The following SUPT20H variants were observed in gnomAD, a reference collection of about 807,000 sequenced individuals.
SUPT20H encodes SPT20 homolog, SAGA complex component, also known as transcription factor SPT20 homolog.
SUPT20H carries 82 observed loss-of-function variants against 122.8 expected under a neutral mutation model. That is an observed-to-expected ratio of 0.67 (90% CI 0.56 to 0.80). The LOEUF (loss-of-function observed/expected upper bound fraction) is 0.80, where lower values mean the gene tolerates loss of function less well. SUPT20H is among the 30% of genes least tolerant of loss of function. SUPT20H has a pLI of 0.00. For synonymous variants in SUPT20H, 291 were observed against 313.0 expected (o/e 0.93, Z 0.74); for missense variants, 831 against 921.6 (o/e 0.90, Z 1.27).
Position 37,022,810 on chromosome 13 carries a change from G to A in SUPT20H, c.1592-730C>T, listed in dbSNP as rs984512059. On this transcript the variant is annotated intron_variant, in intron 19 of 25. Transcript: ENST00000350612. The surrounding 1 kb of genome is among the most constrained non-coding windows in gnomAD (Gnocchi z 4.5). Reference sequence around the variant, plus strand: ...ACATGTTTAATTCCTAACACATCAAGTTTATCCTGACAAACAAATTTACAA... The same window carrying A: ...ACATGTTTAATTCCTAACACATCAAATTTATCCTGACAAACAAATTTACAA... The A allele has an allele frequency of 6.6e-6, 7 of 1,066,114 alleles. No individual in the cohort carries two copies. In the African/African-American group the frequency reaches 9.9e-5, roughly 15 times the overall value. The allele number at this position is 1,066,114 out of a possible 1,614,324, so 66.0% of individuals were successfully genotyped here.
chr13:37,034,018 TGATGTATGTTCTCTGACAGCTTCACC>T (rs1240850967), intron 9 of SUPT20H, among the ~76,000 whole-genome samples: 1 of 152,160 alleles, frequency 6.6e-6, no homozygotes, highest in Non-Finnish European at 1.5e-5. Context: ...AATCAAGAAA[TGATGTATGTTCTCTGACAGCTTCACC>T]GATCCACCAC....
In SUPT20H at chr13:37,019,845, A is replaced by G. The variant is rs2061195613; in HGVS notation, c.1817-448T>C. Among the ~76,000 whole-genome samples the G allele has an allele frequency of 2.6e-5, 4 of 152,214 alleles. No homozygotes were observed. In the South Asian group the frequency reaches 8.3e-4, roughly 32 times the overall value. ...TTATGCTATTTTTTTTTAACTAAAA[A>G]TGTTAATCAGAATGCTAAAGAATGT... On this transcript the variant is annotated intron_variant, in intron 21 of 25. Coordinates refer to ENST00000350612, the MANE Select transcript of SUPT20H (RefSeq NM_001014286.3).
chr13:37,039,091 A>T (rs1400280659), intron 9 of SUPT20H: 1 of 152,232 alleles, frequency 6.6e-6, no homozygotes, highest in Non-Finnish European at 1.5e-5. Context: ...CGAGGAAAAA[A>T]ATTCATTTTG....
chr13:37,033,332 C>CT (rs1269066011), intron 10 of SUPT20H, 117 bp downstream of exon 10: 5 of 1,304,964 alleles, frequency 3.8e-6, no homozygotes, highest in Non-Finnish European at 4.2e-6. Context: ...GAGACCTCAT[C>CT]TCTACCCTTC....
At chr13:37,037,859 A>T (rs1186255768) in intron 9 of SUPT20H, among the ~76,000 whole-genome samples, 2 of 152,218 alleles carry the variant, frequency 1.3e-5, no homozygotes, top group Non-Finnish European at 2.9e-5. Context: ...TAAAAAAGTG[A>T]ATCAATTAAT....
chr13:37,025,795 T>C (rs2062152407), intron 16 of SUPT20H: 1 of 208,672 alleles, frequency 4.8e-6, no homozygotes, highest in Non-Finnish European at 9.5e-6. Context: ...TTAGCTACAG[T>C]AGATATGTCT....
rs781066792 is a variant in SUPT20H, at chr13:37,045,295, G to C, written c.244C>G (p.Pro82Ala). The change falls in exon 6 of 26, where the codon CCA (proline) becomes GCA (alanine). Residue 82 changes from proline to alanine, a missense_variant. Pro to Ala is a conservative substitution (Grantham distance 27). Transcript: ENST00000350612. ...ATCAGAGAATATCCCTCATTTCCTG[G>C]GTATAGATTGACCACTAAACATGAC... ...TLSCLVVNLY[P>A]GNEGYSLMLR... 5 of 1,613,494 alleles carry C rather than the reference G, an allele frequency of 3.1e-6. No homozygotes were observed. The South Asian group carries it at 3.3e-5, about 11-fold the overall frequency.
intron 18 of SUPT20H, 47 bp from the exon 19 acceptor site, chr13:37,024,240 T>C: frequency 6.4e-7 from 1 of 1,569,046 alleles, no homozygotes; most frequent in Non-Finnish European, 8.6e-7. Context: ...TTCAAACTTC[T>C]GTGAACTGTA....
At chr13:37,051,465 G>C in intron 2 of SUPT20H, 23 bp downstream of exon 2, 3 of 1,605,074 alleles carry the variant, frequency 1.9e-6, no homozygotes, top group Non-Finnish European at 2.6e-6. Flanking sequence ...ACACAAATTT[G>C]AACATACTGA....
intron 9 of SUPT20H, among the ~76,000 whole-genome samples, chr13:37,036,438 C>T (rs2064419711): frequency 6.6e-6 from 1 of 151,968 alleles, no homozygotes; most frequent in African/African-American, 2.4e-5. Context: ...AGTTCTCCTG[C>T]CTCAGCTTCC....
chr13:37,026,218 C>A lies in SUPT20H; in HGVS notation c.1197G>T (p.Lys399Asn). ...DHSNWFIIGS[K>N]TDAERVVNQY... ...AATATTTTTACCTCTCAGCATCGGT[C>A]TTTGATCCAATAATGAACCTAAAAT... is the stretch of plus-strand genomic sequence containing the variant. The change falls in exon 16 of 26, where the codon AAG becomes AAT. Residue 399 changes from lysine (K) to asparagine (N), a missense_variant. Physicochemically the swap from Lys to Asn is moderately conservative, Grantham distance 94 (BLOSUM62 0). Transcript: ENST00000350612. 6.5e-7 allele frequency: 1 copy of A among 1,538,332 alleles called. No individual in the cohort carries two copies. The highest frequency in any genetic ancestry group is 8.7e-7 in the Non-Finnish European group (1 of 1,152,874).
intron 1 of SUPT20H, among the ~76,000 whole-genome samples, chr13:37,056,019 G>A (rs1328724082): frequency 2.0e-5 from 3 of 152,086 alleles, no homozygotes; most frequent in East Asian, 1.9e-4. Context: ...ATGAAAAAAT[G>A]CTCATCACTG....
At position 37,046,085 on chromosome 13, in the gene SUPT20H, A is replaced by G. The variant is rs1469250403; in HGVS notation, c.166-712T>C. 5.3e-5 allele frequency among the ~76,000 whole-genome samples: 8 copies of G among 152,108 alleles called. No individual in the cohort carries two copies. The East Asian group carries it at 1.5e-3, about 29-fold the overall frequency. On this transcript the variant is annotated intron_variant, in intron 5 of 25. Transcript: ENST00000350612. ...ACAGTAAATTTTTTTAGAATCTCAA[A>G]AATCAAAGTGTTTTGAATATCTTAT...
At chr13:37,053,057 T>C (rs1223981345) in intron 1 of SUPT20H, among the ~76,000 whole-genome samples, 1 of 152,194 alleles carries the variant, frequency 6.6e-6, no homozygotes, top group East Asian at 1.9e-4. Context: ...AGGAACACTT[T>C]TACACTGTTG....
intron 9 of SUPT20H, among the ~76,000 whole-genome samples, chr13:37,037,824 T>C (rs928996573): frequency 3.3e-5 from 5 of 152,172 alleles, no homozygotes; most frequent in African/African-American, 4.8e-5. Flanking sequence ...CTCTGAAATA[T>C]CTTGATAACT....
chr13:37,021,318 G>T, intron 21 of SUPT20H, 130 bp downstream of exon 21: 1 of 997,140 alleles, frequency 1.0e-6, no homozygotes, highest in Non-Finnish European at 1.3e-6. Context: ...CTTTTTAAGT[G>T]AAATATATGT....
At chr13:37,029,646 C>A (rs998174676) in intron 13 of SUPT20H, 119 bp downstream of exon 13, 14 of 769,948 alleles carry the variant, frequency 1.8e-5, no homozygotes, top group Non-Finnish European at 2.9e-5. Flanking sequence ...CTCGCAGAAA[C>A]TAATTTAAAA....
At chr13:37,051,609 C>T (rs1381541910) in intron 1 of SUPT20H, 26 bp from the exon 2 acceptor site, 1 of 722,820 alleles carries the variant, frequency 1.4e-6, no homozygotes, top group East Asian at 2.7e-5. Flanking sequence ...AATAAAACCC[C>T]AATATTAACA....
rs1378350623 is a variant in SUPT20H, at chr13:37,047,577, A to G, written c.123T>C (p.Tyr41=). The G allele has an allele frequency of 1.4e-6, 2 of 1,427,458 alleles. No individual in the cohort carries two copies. Among genetic ancestry groups the G allele is most frequent in the African/African-American group, 2.9e-5 (2 of 67,836 alleles). 88.4% of individuals were successfully genotyped at this position (1,427,458 alleles called of 1,614,324 possible). A position where few individuals can be genotyped will look rare whatever the true frequency, so the allele number is the denominator to read the frequency against. The change falls in exon 5 of 26, where the codon TAT becomes TAC. Residue 41 remains tyrosine (Y), a synonymous_variant. Transcript: ENST00000350612. ...TTTCACATTCTTCAATATACAAGTC[A>G]TAAAGTTTTTGAAATACAGATTTTC... ...SGRKSVFQKL[Y]DLYIEECEKE...
Sources: allele counts gnomAD v4.1 joint callset (sites outside exome capture counted in the v4.1 genomes callset), GRCh38; gene constraint gnomAD v4.1.1; non-coding constraint Gnocchi (gnomAD v3.1); transcripts MANE v1.5; gene names NCBI Gene and HGNC (gene_info 2026-07-23, HGNC 2026-07-21).